The following IQGAP2 variants were observed in gnomAD, a reference collection of about 807,000 sequenced individuals.
The protein encoded by IQGAP2 is ras GTPase-activating-like protein IQGAP2.
In IQGAP2, 173 loss-of-function variants were observed where a neutral mutation model predicts 201.3. That is an observed-to-expected ratio of 0.86 (90% CI 0.76 to 0.98). The LOEUF is 0.98. IQGAP2 is among the 50% of genes least tolerant of loss of function. The pLI is 0.00. For synonymous variants in IQGAP2, 675 were observed against 673.9 expected, an observed-to-expected ratio of 1.00 and a Z score of -0.03; for missense variants, 1,687 against 1,864.8, an observed-to-expected ratio of 0.90 and a Z score of 1.76.
Position 76,641,110 on chromosome 5 carries a change from G to A in IQGAP2, c.2094+7G>A. ...GAATGTGGTCAAAATACAGGTATGT[G>A]GATCACCTGCCACTGTTTACACAAA... On this transcript the variant is annotated splice_region_variant and intron_variant, in intron 17 of 35. Transcript: ENST00000274364. 1 of 1,584,876 alleles carries A rather than the reference G, an allele frequency of 6.3e-7. No individual in the cohort carries two copies. Among genetic ancestry groups the A allele is most frequent in the South Asian group, 1.1e-5 (1 of 89,278 alleles).
chr5:76,443,478 T>C (rs1010048259), intron 1 of IQGAP2, among the ~76,000 whole-genome samples: 1 of 151,922 alleles, frequency 6.6e-6, no homozygotes, highest in African/African-American at 2.4e-5. Context: ...AGTTTTTTTT[T>C]TTTTTTAATT....
At chr5:76,476,417 G>C (rs1199934384) in intron 2 of IQGAP2, among the ~76,000 whole-genome samples, 1 of 152,172 alleles carries the variant, frequency 6.6e-6, no homozygotes, top group Non-Finnish European at 1.5e-5. Context: ...GGGAGTCAAG[G>C]AAATTTGGCA....
At chr5:76,627,528 A>G in intron 14 of IQGAP2, 28 bp downstream of exon 14, 1 of 1,276,592 alleles carries the variant, frequency 7.8e-7, no homozygotes, top group East Asian at 2.3e-5. Flanking sequence ...TTGCTCTTGA[A>G]ACTTGCCTTT....
intron 2 of IQGAP2, among the ~76,000 whole-genome samples, chr5:76,463,952 A>T (rs766182209): frequency 6.6e-5 from 10 of 150,742 alleles, no homozygotes; most frequent in Admixed American, 6.6e-4. Flanking sequence ...GGTTCAAGTG[A>T]TTCTCCTGCC....
At chr5:76,480,228 C>T (rs1170173137) in intron 2 of IQGAP2, among the ~76,000 whole-genome samples, 2 of 152,082 alleles carry the variant, frequency 1.3e-5, no homozygotes, top group Non-Finnish European at 2.9e-5. Context: ...AATATGTGTC[C>T]TCTGAGGGAT....
rs1169877650 is a variant in IQGAP2 at position 76,510,460 on chromosome 5, A to G, written c.146+48791A>G. The G allele has an allele frequency of 3.9e-5, 12 of 308,470 alleles. No homozygotes were observed. The East Asian group carries it at 1.2e-3, about 31-fold the overall frequency. The allele number at this position is 308,470 out of a possible 1,614,324, so 19.1% of individuals were successfully genotyped here. On this transcript the variant is annotated intron_variant, in intron 2 of 35. Transcript: ENST00000274364. The stretch of plus-strand genomic sequence containing the variant: ...GGGTGGCGCCTGAGGGTCCCGGGCC[A>G]GGCAGCAGCACACAGGTGGCAGGAT...
At chr5:76,448,972 T>C (rs1156811749) in intron 1 of IQGAP2, among the ~76,000 whole-genome samples, 3 of 152,212 alleles carry the variant, frequency 2.0e-5, no homozygotes, top group Non-Finnish European at 4.4e-5. Flanking sequence ...GATTTTGAGC[T>C]GTCACCTGAT....
Position 76,513,155 on chromosome 5 carries a change from A to G in IQGAP2, c.147-49241A>G, listed in dbSNP as rs200765232. 4.7e-4 allele frequency among the ~76,000 whole-genome samples: 72 copies of G among 152,300 alleles called. 3 individuals carry two copies. The East Asian group carries it at 4.8e-3, about 10-fold the overall frequency. ...TTTTTCATTGGTAGAAGGCTTACAG[A>G]GATCATGAAACATTAATAGTTACCA... On this transcript the variant is annotated intron_variant, in intron 2 of 35. Transcript: ENST00000274364.
At chr5:76,656,229 T>C (rs1752905303) in intron 20 of IQGAP2, among the ~76,000 whole-genome samples, 2 of 152,092 alleles carry the variant, frequency 1.3e-5, no homozygotes, top group Admixed American at 1.3e-4. Context: ...TTTTTTGTTT[T>C]TTTTTTTTCT....
chr5:76,701,238 A>G (rs2307124), intron 34 of IQGAP2, 25 bp downstream of exon 34: 536,724 of 1,605,416 alleles, frequency 0.33, 92,185 homozygotes, highest in Non-Finnish European at 0.35. Context: ...GAATCTGCAT[A>G]GAACACGCAT....
At chr5:76,640,833 C>T (rs2150402284) in intron 16 of IQGAP2, 100 bp from the exon 17 acceptor site, 1 of 868,900 alleles carries the variant, frequency 1.2e-6, no homozygotes, top group Non-Finnish European at 1.7e-6. Context: ...CAAAAGGAGA[C>T]ATCCATATTA....
chr5:76,535,501 T>A (rs1176205097), intron 2 of IQGAP2, among the ~76,000 whole-genome samples: 1 of 152,140 alleles, frequency 6.6e-6, no homozygotes, highest in African/African-American at 2.4e-5. Flanking sequence ...GGACCTCTTG[T>A]GCAAAAATAA....
intron 2 of IQGAP2, among the ~76,000 whole-genome samples, chr5:76,492,333 C>G (rs1216343742): frequency 6.6e-6 from 1 of 152,128 alleles, no homozygotes; most frequent in Admixed American, 6.6e-5. Flanking sequence ...GCCTCCTGTC[C>G]CTGGAAGGCA....
chr5:76,436,523 T>A (rs1441577074), intron 1 of IQGAP2, among the ~76,000 whole-genome samples: 226 of 26,566 alleles, frequency 8.5e-3, no homozygotes, highest in South Asian at 0.01. Flanking sequence ...ATATATTTTT[T>A]TTTTTTTTTT....
chr5:76,693,329 T>A (rs370301901), intron 30 of IQGAP2, 26 bp from the exon 31 acceptor site: 1 of 1,545,084 alleles, frequency 6.5e-7, no homozygotes, highest in South Asian at 1.1e-5. Context: ...AGTCTGAAAG[T>A]CTGTCTCTTT....
intron 1 of IQGAP2, among the ~76,000 whole-genome samples, chr5:76,432,448 ATCT>A (rs1038338549): frequency 7.9e-5 from 12 of 152,072 alleles, no homozygotes; most frequent in African/African-American, 2.9e-4. Context: ...TTCTGAGCTA[ATCT>A]TCTGGGGTGG....
chr5:76,473,460 T>C (rs549542895), intron 2 of IQGAP2, among the ~76,000 whole-genome samples: 5 of 152,280 alleles, frequency 3.3e-5, no homozygotes, highest in Admixed American at 2.6e-4. Flanking sequence ...TCTTTCTCCT[T>C]CTCTCTTTTG....
chr5:76,647,436 A>C (rs1347189336), intron 17 of IQGAP2, among the ~76,000 whole-genome samples: 1 of 152,048 alleles, frequency 6.6e-6, no homozygotes, highest in African/African-American at 2.4e-5. Context: ...TAATTCTTGC[A>C]TGTTGTGGGA....
At chr5:76,457,708 G>A (rs11739424) in intron 1 of IQGAP2, among the ~76,000 whole-genome samples, 32,640 of 152,094 alleles carry the variant, frequency 0.21, 3,717 homozygotes, top group Middle Eastern at 0.29. Context: ...TTTTGTACGT[G>A]TTCTTTGGGA....
Sources: gnomAD v4.1 joint callset for allele counts (sites outside exome capture counted in the v4.1 genomes callset) on GRCh38, gnomAD v4.1.1 for gene constraint, MANE v1.5 for transcripts, NCBI Gene and HGNC (gene_info 2026-07-23, HGNC 2026-07-21) for gene names.